SPEN: variants seen among roughly 807,000 people sequenced by gnomAD.
SPEN encodes msx2-interacting protein.
A neutral mutation model predicts 269.9 loss-of-function variants in SPEN; 18 were observed. The ratio of observed to expected loss-of-function variants is 0.07; its 90% CI spans 0.05 to 0.10. SPEN has a LOEUF of 0.10. Ranked by LOEUF, SPEN falls within the 10% of genes least tolerant of loss-of-function variation. The probability of loss-of-function intolerance (pLI) is 1.00; values close to 1 mark genes in which losing one functional copy is unlikely to be tolerated. For synonymous variants in SPEN, 1,726 were observed against 1,765.7 expected (o/e 0.98, Z 0.56); for missense variants, 3,822 against 4,631.2 (o/e 0.83, Z 5.07).
intron 4 of SPEN, 68 bp from the exon 5 acceptor site, chr1:15,911,033 A>G (rs145683905): frequency 3.9e-6 from 5 of 1,291,424 alleles, no homozygotes; most frequent in Middle Eastern, 2.5e-4. Context: ...CTAAAGATTT[A>G]GTAGGTTGCT....
chr1:15,882,209 TCATGG>T (rs1350571955), intron 3 of SPEN, among the ~76,000 whole-genome samples: 2 of 152,226 alleles, frequency 1.3e-5, no homozygotes, highest in African/African-American at 4.8e-5. Flanking sequence ...TGTTTCTCTG[TCATGG>T]CCGTTTATTG....
chr1:15,875,982 A>C (rs2070626870), intron 2 of SPEN, among the ~76,000 whole-genome samples: 1 of 152,234 alleles, frequency 6.6e-6, no homozygotes, highest in African/African-American at 2.4e-5. Context: ...ATGAAAGCCC[A>C]ATATACAATG....
intron 3 of SPEN, among the ~76,000 whole-genome samples, chr1:15,904,042 A>G (rs1247879351): frequency 6.6e-6 from 1 of 152,238 alleles, no homozygotes; most frequent in Non-Finnish European, 1.5e-5. Context: ...TTTAAAAATT[A>G]AAATGGACAA....
chr1:15,902,324 A>G (rs1224014021), intron 3 of SPEN, among the ~76,000 whole-genome samples: 3 of 152,192 alleles, frequency 2.0e-5, no homozygotes, highest in African/African-American at 4.8e-5. Flanking sequence ...TGGGTGAAGT[A>G]TATGAAGAAA....
rs34812900 is a variant in SPEN, at chr1:15,856,565, CTT to C, written c.83+8434_83+8435del. Reference sequence around the variant, plus strand: ...TGGCTGTTAGATCTGCTGCCAGATACTTTTTTTTTTTTTTTTTTTTGAGACAG... The same window carrying C: ...TGGCTGTTAGATCTGCTGCCAGATACTTTTTTTTTTTTTTTTTTGAGACAG... On this transcript the variant is annotated intron_variant, in intron 1 of 14. Coordinates refer to ENST00000375759, the MANE Select transcript of SPEN (RefSeq NM_015001.3). Among the ~76,000 whole-genome samples the C allele has an allele frequency of 6.5e-3, 667 of 102,486 alleles. 1 individual carries two copies. The highest frequency in any genetic ancestry group is 0.016 in the Middle Eastern group (3 of 182). The allele number at this position is 102,486 out of a possible 152,430, so 67.2% of individuals were successfully genotyped here.
rs115172983 is a variant in SPEN, at chr1:15,858,658, A to C, written c.83+10508A>C. The stretch of plus-strand genomic sequence containing the variant: ...AGTTGGATTTTAAAAGAGCTTGGCC[A>C]GGTGCAGTGGCTCTTGCCTGTATTC... On this transcript the variant is annotated intron_variant, in intron 1 of 14. Transcript: ENST00000375759. Among the ~76,000 whole-genome samples, 957 of 152,304 alleles carry C rather than the reference A, an allele frequency of 6.3e-3. 8 individuals carry two copies. The highest frequency in any genetic ancestry group is 0.021 in the African/African-American group (855 of 41,564).
At chr1:15,912,458 G>C (rs1358063065) in intron 5 of SPEN, among the ~76,000 whole-genome samples, 1 of 152,092 alleles carries the variant, frequency 6.6e-6, no homozygotes, top group Admixed American at 6.6e-5. Context: ...AACATGGCCT[G>C]TTATAGGATA....
In SPEN at chr1:15,848,738, C is replaced by T. The variant is rs2070302898; in HGVS notation, c.83+588C>T. Among the ~76,000 whole-genome samples the T allele has an allele frequency of 6.6e-6, 1 of 152,222 alleles. No individual in the cohort carries two copies. The highest frequency in any genetic ancestry group is 2.1e-4 in the South Asian group (1 of 4,834). ...GGAGGATTTGCAGCCTTGAAACTCACTGGGAATGGCAAACGTTTCTCGTTT... is the reference window on the plus strand; with the variant it reads ...GGAGGATTTGCAGCCTTGAAACTCATTGGGAATGGCAAACGTTTCTCGTTT... On this transcript the variant is annotated intron_variant, in intron 1 of 14. Coordinates refer to ENST00000375759, the MANE Select transcript of SPEN (RefSeq NM_015001.3). This position sits in a 1 kb window ranked among gnomAD's most constrained non-coding sequence, Gnocchi z 5.1.
chr1:15,935,742 C>G lies in SPEN; in HGVS notation c.9502C>G (p.Arg3168Gly), dbSNP rs576149674. 1.1e-5 allele frequency: 18 copies of G among 1,613,030 alleles called. No homozygotes were observed. The highest frequency in any genetic ancestry group is 6.7e-5 in the Admixed American group (4 of 60,010). The change falls in exon 11 of 15, where the codon CGA becomes GGA. Residue 3168 changes from arginine (R) to glycine (G), a missense_variant. Arg to Gly is a moderately radical substitution (Grantham distance 125). Around this residue, in one of 16 missense-constraint regions of SPEN, gnomAD observed 153 missense variants for 228.5 expected, o/e 0.67. Coordinates refer to ENST00000375759, the MANE Select transcript of SPEN (RefSeq NM_015001.3). This position sits in a 1 kb window ranked among gnomAD's most constrained non-coding sequence, Gnocchi z 7.7. ...AGTGCATTATCACCTTCCTGTCGCT[C>G]GAGCCACAGCCCCTGTGCAGTCAGA... ...EEVHYHLPVA[R>G]ATAPVQSEVL...
Position 15,932,740 on chromosome 1 carries a change from A to G in SPEN, c.6500A>G (p.Lys2167Arg). The change falls in exon 11 of 15, where the codon AAG (lysine) becomes AGG (arginine). Residue 2167 changes from lysine (K) to arginine (R), a missense_variant. Physicochemically the swap from Lys to Arg is conservative, Grantham distance 26. Transcript: ENST00000375759. This position sits in a 1 kb window ranked among gnomAD's most constrained non-coding sequence, Gnocchi z 4.2. ...TCCCCAGAAGCCACCCAGTTAGCCA[A>G]GCAGATGGAGCTGGAGCAGGCCGTG... ...GPSPEATQLA[K>R]QMELEQAVEH... The G allele has an allele frequency of 6.2e-7, 1 of 1,614,200 alleles. No individual in the cohort carries two copies. Among genetic ancestry groups the G allele is most frequent in the Middle Eastern group, 1.6e-4 (1 of 6,062 alleles).
intron 10 of SPEN, among the ~76,000 whole-genome samples, chr1:15,927,624 A>T (rs573257430): frequency 6.6e-6 from 1 of 152,222 alleles, no homozygotes; most frequent in African/African-American, 2.4e-5. Context: ...GAGTGTGGGG[A>T]TATTGTCCAG....
intron 1 of SPEN, among the ~76,000 whole-genome samples, chr1:15,865,106 C>T (rs2070490582): frequency 1.3e-5 from 2 of 151,814 alleles, no homozygotes; most frequent in South Asian, 4.1e-4. Context: ...GGCTGGAGTG[C>T]AGTGGTGAGA....
chr1:15,915,496 A>G (rs2071049754), intron 5 of SPEN, among the ~76,000 whole-genome samples: 1 of 152,186 alleles, frequency 6.6e-6, no homozygotes, highest in Non-Finnish European at 1.5e-5. Context: ...CCCAAAAACA[A>G]CAGATCACCT....
chr1:15,853,132 A>G lies in SPEN; in HGVS notation c.83+4982A>G, dbSNP rs896091720. 4.6e-5 allele frequency among the ~76,000 whole-genome samples: 7 copies of G among 152,108 alleles called. No individual in the cohort carries two copies. In the East Asian group the frequency reaches 1.4e-3, roughly 29 times the overall value. On this transcript the variant is annotated intron_variant, in intron 1 of 14. Coordinates refer to ENST00000375759, the MANE Select transcript of SPEN (RefSeq NM_015001.3). ...CTCCCAGAGTGCTGGGATTATAGGC[A>G]TGAGCCAGCTTGCCCAGCCTTTGCT...
intron 3 of SPEN, among the ~76,000 whole-genome samples, chr1:15,881,219 C>T (rs1441152813): frequency 6.6e-6 from 1 of 152,198 alleles, no homozygotes; most frequent in African/African-American, 2.4e-5. Context: ...ATCTTCCCTC[C>T]TCTGCCTCCC....
intron 3 of SPEN, among the ~76,000 whole-genome samples, chr1:15,906,686 A>G (rs1217453888): frequency 6.8e-6 from 1 of 147,998 alleles, no homozygotes; most frequent in Non-Finnish European, 1.5e-5. Flanking sequence ...CTAGCCTCGA[A>G]CTCCTGGCCG....
intron 3 of SPEN, among the ~76,000 whole-genome samples, chr1:15,907,480 GAAAAA>G (rs1280593341): frequency 6.7e-6 from 1 of 149,998 alleles, no homozygotes; most frequent in South Asian, 2.1e-4. Flanking sequence ...TGTCTCAAAA[GAAAAA>G]AAAAGGTCTG....
chr1:15,937,432 C>A lies in SPEN; in HGVS notation c.10296C>A (p.Pro3432=). 2 of 1,613,818 alleles carry A rather than the reference C, an allele frequency of 1.2e-6. No homozygotes were observed. Among genetic ancestry groups the A allele is most frequent in the Non-Finnish European group, 1.7e-6 (2 of 1,180,026 alleles). The change falls in exon 12 of 15, where the codon CCC becomes CCA. Residue 3432 remains proline (P), a synonymous_variant. Transcript: ENST00000375759. The surrounding 1 kb of genome is among the most constrained non-coding windows in gnomAD (Gnocchi z 5.7). ...AQAETGPTSF[P]SPVSVSMKPD... is the part of the protein sequence containing the mutation. ...CAGAAACAGGCCCGACTTCCTTCCC[C>A]TCCCCTGTGTCTGTCTCCATGAAGC... is the stretch of plus-strand genomic sequence containing the variant.
In SPEN at chr1:15,870,708, A is replaced by G. The variant is rs370859861; in HGVS notation, c.84-2108A>G. Among the ~76,000 whole-genome samples, 10 of 151,732 alleles carry G rather than the reference A, an allele frequency of 6.6e-5. No individual in the cohort carries two copies. In the East Asian group the frequency reaches 7.8e-4, roughly 12 times the overall value. ...GATTAAAATTAATCATTGCATTCCT[A>G]TTGATAGCCTAGCCAATAAAGGTTG... On this transcript the variant is annotated intron_variant, in intron 1 of 14. Coordinates refer to ENST00000375759, the MANE Select transcript of SPEN (RefSeq NM_015001.3).
Sources: allele counts gnomAD v4.1 joint callset (sites outside exome capture counted in the v4.1 genomes callset), GRCh38; gene constraint gnomAD v4.1.1; regional missense constraint gnomAD v4.1.1; non-coding constraint Gnocchi (gnomAD v3.1); transcripts MANE v1.5; gene names NCBI Gene and HGNC (gene_info 2026-07-23, HGNC 2026-07-21).